The following WDR70 variants were observed in gnomAD, a reference collection of about 807,000 sequenced individuals.
WDR70 encodes the protein WD repeat domain 70.
Under a neutral mutation model 88.6 loss-of-function variants are expected in WDR70, and 53 were observed. That is an observed-to-expected ratio of 0.60 (90% CI 0.48 to 0.75). The LOEUF is 0.75. Among genes scored for constraint, WDR70 ranks in the 30% least tolerant of loss-of-function variants. The probability of loss-of-function intolerance (pLI) is 0.00; values close to 1 mark genes in which losing one functional copy is unlikely to be tolerated. For missense variants in WDR70, 610 were observed against 823.2 expected, an observed-to-expected ratio of 0.74 and a Z score of 3.17; for synonymous variants, 280 against 270.0, an observed-to-expected ratio of 1.04 and a Z score of -0.36.
At chr5:37,486,075 A>G (rs1228499222) in intron 8 of WDR70, among the ~76,000 whole-genome samples, 1 of 151,666 alleles carries the variant, frequency 6.6e-6, no homozygotes, top group Admixed American at 6.6e-5. Context: ...GTTTACAAAA[A>G]TGTGACCAGT....
At chr5:37,560,191 T>G (rs899183290) in intron 9 of WDR70, among the ~76,000 whole-genome samples, 3 of 152,172 alleles carry the variant, frequency 2.0e-5, no homozygotes, top group African/African-American at 7.2e-5. Context: ...GAGAGAGAGA[T>G]AGACACTACT....
intron 17 of WDR70, among the ~76,000 whole-genome samples, chr5:37,736,506 G>C (rs191299928): frequency 9.3e-4 from 142 of 152,170 alleles, no homozygotes; most frequent in Middle Eastern, 3.4e-3. Flanking sequence ...ATTTTTTCCA[G>C]AGTTATATTT....
At chr5:37,479,659 C>A in intron 7 of WDR70, 175 bp from the exon 8 acceptor site, 1 of 665,418 alleles carries the variant, frequency 1.5e-6, no homozygotes, top group African/African-American at 1.8e-5. Flanking sequence ...GCATGAGCTA[C>A]CTTGCCCAGC....
At chr5:37,614,080 G>A (rs1744262661) in intron 10 of WDR70, among the ~76,000 whole-genome samples, 1 of 152,196 alleles carries the variant, frequency 6.6e-6, no homozygotes, top group South Asian at 2.1e-4. Flanking sequence ...TAACAGAAAT[G>A]TATTATCTTA....
intron 8 of WDR70, among the ~76,000 whole-genome samples, chr5:37,503,061 T>C (rs1359728274): frequency 6.6e-6 from 1 of 152,190 alleles, no homozygotes; most frequent in African/African-American, 2.4e-5. Flanking sequence ...TCATGGTCAG[T>C]TATCTTTTTG....
chr5:37,557,959 T>TTTTAAAACTCTTCAAA, intron 9 of WDR70, among the ~76,000 whole-genome samples: 1 of 146,504 alleles, frequency 6.8e-6, no homozygotes, highest in African/African-American at 2.5e-5. Flanking sequence ...AAAAGAGTAT[T>TTTTAAAACTCTTCAAA]ATGTATATTT....
intron 9 of WDR70, among the ~76,000 whole-genome samples, chr5:37,550,818 C>G (rs986648127): frequency 6.6e-6 from 1 of 152,022 alleles, no homozygotes; most frequent in Admixed American, 6.6e-5. Flanking sequence ...CTCTTCCTTC[C>G]TTTCTTTCCT....
In WDR70 at chr5:37,562,952, G is replaced by T. The variant is rs545170931; in HGVS notation, c.918-42112G>T. ...GTTGTCATCATGGCCCGTTCTCAAT[G>T]AGCTGTTGAGTACACCTCCCAGACG... is the stretch of plus-strand genomic sequence containing the variant. On this transcript the variant is annotated intron_variant, in intron 9 of 17. Coordinates refer to ENST00000265107, the MANE Select transcript of WDR70 (RefSeq NM_018034.4). Among the ~76,000 whole-genome samples the T allele has an allele frequency of 2.0e-5, 3 of 150,238 alleles. No homozygotes were observed. The East Asian group carries it at 5.9e-4, about 30-fold the overall frequency.
At chr5:37,689,942 G>A (rs971779433) in intron 10 of WDR70, among the ~76,000 whole-genome samples, 6 of 152,290 alleles carry the variant, frequency 3.9e-5, no homozygotes, top group East Asian at 1.9e-4. Context: ...TGAACCCATC[G>A]CAAGGAAGCT....
At chr5:37,595,418 A>T (rs1006401295) in intron 9 of WDR70, among the ~76,000 whole-genome samples, 2 of 152,168 alleles carry the variant, frequency 1.3e-5, no homozygotes, top group Non-Finnish European at 2.9e-5. Flanking sequence ...TGAAAACCAT[A>T]ATACATTTCT....
At chr5:37,434,613 G>T (rs1334539304) in intron 5 of WDR70, among the ~76,000 whole-genome samples, 1 of 152,138 alleles carries the variant, frequency 6.6e-6, no homozygotes, top group Non-Finnish European at 1.5e-5. Context: ...TTTCTGATTT[G>T]TAAGTCATTT....
rs779842399 is a variant in WDR70, at chr5:37,516,590, C to T, written c.917C>T (p.Ala306Val). The stretch of plus-strand genomic sequence containing the variant: ...GAATTTATGACTTGCTCAAATGATG[C>T]GTGAGTATTGTTGATAATTCATCTA... Reference protein sequence around the residue: ...KGEFMTCSNDATVRTWEVENP... With the variant: ...KGEFMTCSNDVTVRTWEVENP... The change falls in exon 9 of 18, where the codon GCG (alanine) becomes GTG (valine). Residue 306 changes from alanine (A) to valine (V), a missense_variant and splice_region_variant. Ala to Val is a moderately conservative substitution (Grantham distance 64). Coordinates refer to ENST00000265107, the MANE Select transcript of WDR70 (RefSeq NM_018034.4). 2.5e-6 allele frequency: 4 copies of T among 1,593,454 alleles called. No individual in the cohort carries two copies. Among genetic ancestry groups the T allele is most frequent in the East Asian group, 2.2e-5 (1 of 44,610 alleles).
At chr5:37,670,759 G>T (rs1426278701) in intron 10 of WDR70, among the ~76,000 whole-genome samples, 1 of 152,116 alleles carries the variant, frequency 6.6e-6, no homozygotes, top group Non-Finnish European at 1.5e-5. Flanking sequence ...ATATTAATTT[G>T]AATGTCACAA....
intron 10 of WDR70, among the ~76,000 whole-genome samples, chr5:37,632,198 A>C (rs758813874): frequency 1.3e-5 from 2 of 152,240 alleles, no homozygotes; most frequent in Non-Finnish European, 2.9e-5. Flanking sequence ...TGATGCTGGT[A>C]TAAACAAACC....
At chr5:37,588,064 C>T (rs1452098511) in intron 9 of WDR70, among the ~76,000 whole-genome samples, 1 of 151,970 alleles carries the variant, frequency 6.6e-6, no homozygotes, top group Non-Finnish European at 1.5e-5. Flanking sequence ...TTAATTGAAA[C>T]ATTATTTTGA....
rs560667414 is a variant in WDR70 at position 37,665,690 on chromosome 5, A to T, written c.1093-31965A>T. 8.5e-4 allele frequency among the ~76,000 whole-genome samples: 129 copies of T among 152,314 alleles called. 1 individual carries two copies. The highest frequency in any genetic ancestry group is 2.9e-3 in the African/African-American group (119 of 41,574). ...AGAGATAGGACTATTTTCTGCAGCA[A>T]TTGGGTTATCTTTAGATGAGTACAT... is the stretch of plus-strand genomic sequence containing the variant. On this transcript the variant is annotated intron_variant, in intron 10 of 17. Coordinates refer to ENST00000265107, the MANE Select transcript of WDR70 (RefSeq NM_018034.4).
At chr5:37,709,667 G>A (rs1481496832) in intron 13 of WDR70, among the ~76,000 whole-genome samples, 1 of 152,158 alleles carries the variant, frequency 6.6e-6, no homozygotes, top group Admixed American at 6.6e-5. Context: ...CCAACTTCTA[G>A]CATGGCTTAT....
chr5:37,673,583 A>ACCTCCC (rs1554010663), intron 10 of WDR70, among the ~76,000 whole-genome samples: 7 of 76,226 alleles, frequency 9.2e-5, no homozygotes, highest in Admixed American at 1.6e-4. Context: ...GACTTTTCTT[A>ACCTCCC]CCCCCCCCCC....
chr5:37,420,480 C>T (rs1406422656), intron 5 of WDR70, among the ~76,000 whole-genome samples: 1 of 152,000 alleles, frequency 6.6e-6, no homozygotes, highest in African/African-American at 2.4e-5. Flanking sequence ...TGCTCTGTTG[C>T]CCAGGCTAGA....
Sources: allele counts gnomAD v4.1 joint callset (sites outside exome capture counted in the v4.1 genomes callset), GRCh38; gene constraint gnomAD v4.1.1; transcripts MANE v1.5; gene names NCBI Gene and HGNC (gene_info 2026-07-23, HGNC 2026-07-21).